PUM2: variants seen among roughly 807,000 people sequenced by gnomAD.
The protein encoded by PUM2 is pumilio homolog 2.
Under a neutral mutation model 124.5 loss-of-function variants are expected in PUM2, and 57 were observed. The ratio of observed to expected loss-of-function variants is 0.46; its 90% CI spans 0.37 to 0.57. The LOEUF is 0.57. Among genes scored for constraint, PUM2 ranks in the 20% least tolerant of loss-of-function variants. The pLI is 0.00. For missense variants in PUM2, 1,065 were observed against 1,290.6 expected (o/e 0.83, Z 2.68); for synonymous variants, 460 against 446.1 (o/e 1.03, Z -0.39).
chr2:20,308,623 A>G (rs1228609029), intron 5 of PUM2, 39 bp from the exon 6 acceptor site: 1 of 1,534,758 alleles, frequency 6.5e-7, no homozygotes, highest in Non-Finnish European at 8.8e-7. Context: ...GAATAAAAGT[A>G]ACAAGTCAAA....
chr2:20,290,613 GA>G lies in PUM2; in HGVS notation c.1291+38del, dbSNP rs779840309. On this transcript the variant is annotated intron_variant, in intron 10 of 20. Coordinates refer to ENST00000361078, the MANE Select transcript of PUM2 (RefSeq NM_015317.5). ...GTGTGAGTACCTACACTTAACATCT[GA>G]AATCTATTCAAATTTCCACAAATGA... 12 of 1,568,150 alleles carry G rather than the reference GA, an allele frequency of 7.7e-6. No homozygotes were observed. The African/African-American group carries it at 1.4e-4, about 18-fold the overall frequency.
chr2:20,286,448 C>T (rs561543442), intron 10 of PUM2, among the ~76,000 whole-genome samples: 11 of 152,268 alleles, frequency 7.2e-5, no homozygotes, highest in East Asian at 3.9e-4. Context: ...CATAATTTAT[C>T]TAGTCAACAT....
At position 20,312,429 on chromosome 2, in the gene PUM2, T is replaced by A. The variant is rs759043792; in HGVS notation, c.161-6A>T. On this transcript the variant is annotated splice_region_variant and splice_polypyrimidine_tract_variant and intron_variant, in intron 3 of 20. Coordinates refer to ENST00000361078, the MANE Select transcript of PUM2 (RefSeq NM_015317.5). ...AGGCTGGGACATTGAATGGTCTGTT[T>A]GGAAGAAAAAACACAATTATATACT... is the stretch of plus-strand genomic sequence containing the variant. The A allele has an allele frequency of 1.2e-6, 2 of 1,609,978 alleles. No individual in the cohort carries two copies. The highest frequency in any genetic ancestry group is 1.7e-6 in the Non-Finnish European group (2 of 1,178,282).
At chr2:20,297,432 GATA>G (rs1572784159) in intron 8 of PUM2, 118 bp downstream of exon 8, 1 of 980,674 alleles carries the variant, frequency 1.0e-6, no homozygotes, top group Non-Finnish European at 1.4e-6. Flanking sequence ...GTTCATTCTG[GATA>G]ATGTTTCAGT....
intron 9 of PUM2, among the ~76,000 whole-genome samples, chr2:20,293,036 C>T (rs904417722): frequency 6.6e-6 from 1 of 152,170 alleles, no homozygotes; most frequent in Non-Finnish European, 1.5e-5. Context: ...GCAGACCAAA[C>T]CAAGTTTTCA....
At chr2:20,297,269 T>C (rs1675841266) in intron 8 of PUM2, among the ~76,000 whole-genome samples, 1 of 152,212 alleles carries the variant, frequency 6.6e-6, no homozygotes, top group Non-Finnish European at 1.5e-5. Context: ...ATGGGGTTTG[T>C]CATTAAAATG....
At chr2:20,317,593 G>T (rs1163091121) in intron 3 of PUM2, among the ~76,000 whole-genome samples, 3 of 152,040 alleles carry the variant, frequency 2.0e-5, no homozygotes, top group African/African-American at 7.2e-5. Context: ...ACATGTGCAG[G>T]TTTGTTATAT....
chr2:20,256,751 A>G (rs545496509), intron 16 of PUM2, among the ~76,000 whole-genome samples: 2 of 152,226 alleles, frequency 1.3e-5, no homozygotes, highest in African/African-American at 2.4e-5. Flanking sequence ...TGCTCTTATA[A>G]TAAAGTGCTT....
intron 9 of PUM2, 124 bp from the exon 10 acceptor site, chr2:20,290,914 A>C: frequency 1.3e-6 from 1 of 761,496 alleles, no homozygotes; most frequent in Non-Finnish European, 2.0e-6. Flanking sequence ...ACATGCAAGG[A>C]AATGTAGATT....
In PUM2 at chr2:20,308,313, C is replaced by A; in HGVS notation, c.789+1G>T. ...TTCTTAAAGAAAGAACATGCTTTTA[C>A]CTGCTGCTGGGAATTGTAGTCAAAA... is the stretch of plus-strand genomic sequence containing the variant. On this transcript the variant is annotated splice_donor_variant, in intron 6 of 20. Coordinates refer to ENST00000361078, the MANE Select transcript of PUM2 (RefSeq NM_015317.5). LOFTEE classifies it high-confidence loss of function. 6.2e-7 allele frequency: 1 copy of A among 1,612,592 alleles called. No individual in the cohort carries two copies. The highest frequency in any genetic ancestry group is 8.5e-7 in the Non-Finnish European group (1 of 1,179,174).
At chr2:20,315,506 T>C (rs1680672811) in intron 3 of PUM2, among the ~76,000 whole-genome samples, 1 of 152,262 alleles carries the variant, frequency 6.6e-6, no homozygotes, top group East Asian at 1.9e-4. Flanking sequence ...TGGTTTCTAG[T>C]AAAAGACAAA....
At chr2:20,254,839 T>C (rs1238060029) in intron 19 of PUM2, 24 bp downstream of exon 19, 2 of 1,608,468 alleles carry the variant, frequency 1.2e-6, no homozygotes, top group South Asian at 2.2e-5. Flanking sequence ...AATTGACCCT[T>C]AAAATTACAA....
In PUM2 at chr2:20,290,692, T is replaced by C. The variant is rs771111169; in HGVS notation, c.1251A>G (p.Pro417=). ...ESLAAAAAAN[P]TLAFGQGLAT... ...CAAGACCCTGACCAAAAGCCAATGTTGGATTTGCTGCTGCAGCTGCCGCAA... is the reference window on the plus strand; with the variant it reads ...CAAGACCCTGACCAAAAGCCAATGTCGGATTTGCTGCTGCAGCTGCCGCAA... Residue 417 remains proline, a synonymous_variant, in exon 10 of 21, where the codon CCA becomes CCG. Coordinates refer to ENST00000361078, the MANE Select transcript of PUM2 (RefSeq NM_015317.5). The C allele has an allele frequency of 2.0e-5, 33 of 1,613,282 alleles. No homozygotes were observed. The South Asian group carries it at 3.3e-4, about 16-fold the overall frequency.
intron 13 of PUM2, among the ~76,000 whole-genome samples, chr2:20,265,251 A>C (rs116245484): frequency 0.039 from 5,712 of 147,858 alleles, 111 homozygotes; most frequent in Middle Eastern, 0.07. Context: ...AACCGTCACA[A>C]AAAAAAAAAA....
Position 20,312,218 on chromosome 2 carries a change from T to C in PUM2, c.348+18A>G. The C allele has an allele frequency of 6.5e-7, 1 of 1,542,824 alleles. No homozygotes were observed. Among genetic ancestry groups the C allele is most frequent in the Non-Finnish European group, 8.9e-7 (1 of 1,129,280 alleles). On this transcript the variant is annotated intron_variant, in intron 4 of 20. Coordinates refer to ENST00000361078, the MANE Select transcript of PUM2 (RefSeq NM_015317.5). ...CTCTCAAGCAAATATTAAATATTTC[T>C]TTATTCAAAATACTTACAAAATTTC...
rs67834545 is a variant in PUM2, at chr2:20,305,463, GAAAAAA to G, written c.883+2509_883+2514del. On this transcript the variant is annotated intron_variant, in intron 7 of 20. Transcript: ENST00000361078. The stretch of plus-strand genomic sequence containing the variant: ...GGTGACAGAGTAAGACCCTGTCTTC[GAAAAAA>G]AAAAAAAAAAAAAAAAAAAGACGTA... 1.4e-3 allele frequency among the ~76,000 whole-genome samples: 63 copies of G among 46,164 alleles called. 1 individual carries two copies. The highest frequency in any genetic ancestry group is 4.9e-3 in the African/African-American group (51 of 10,404). The allele number at this position is 46,164 out of a possible 152,430, so 30.3% of individuals were successfully genotyped here.
intron 13 of PUM2, among the ~76,000 whole-genome samples, chr2:20,270,568 A>G (rs191970917): frequency 3.9e-5 from 6 of 152,196 alleles, no homozygotes; most frequent in Non-Finnish European, 8.8e-5. Flanking sequence ...ACACACACAA[A>G]ACAAAAACTC....
At chr2:20,286,912 G>C (rs1672869741) in intron 10 of PUM2, among the ~76,000 whole-genome samples, 1 of 151,868 alleles carries the variant, frequency 6.6e-6, no homozygotes, top group Admixed American at 6.6e-5. Context: ...CCCTGATCGT[G>C]CCTGATCTCA....
chr2:20,341,946 A>G (rs1467458562), intron 1 of PUM2, among the ~76,000 whole-genome samples: 2 of 152,054 alleles, frequency 1.3e-5, no homozygotes, highest in Non-Finnish European at 2.9e-5. Context: ...GGTGGCCAAC[A>G]TGGTGAAAGG....
Sources: gnomAD v4.1 joint callset for allele counts (sites outside exome capture counted in the v4.1 genomes callset) on GRCh38, gnomAD v4.1.1 for gene constraint, MANE v1.5 for transcripts, NCBI Gene and HGNC (gene_info 2026-07-23, HGNC 2026-07-21) for gene names.